The following CCDC138 variants were observed in gnomAD, a reference collection of about 807,000 sequenced individuals.
The protein encoded by CCDC138 is coiled-coil domain containing 138, also known as coiled-coil domain-containing protein 138.
CCDC138 carries 66 observed loss-of-function variants against 82.3 expected under a neutral mutation model. The observed-to-expected ratio is 0.80, with a 90% CI of 0.66 to 0.98. CCDC138 has a LOEUF of 0.98. Among genes scored for constraint, CCDC138 ranks in the 50% least tolerant of loss-of-function variants. CCDC138 has a pLI of 0.00. For synonymous variants in CCDC138, 297 were observed against 265.4 expected, an observed-to-expected ratio of 1.12 and a Z score of -1.16; for missense variants, 816 against 758.9, an observed-to-expected ratio of 1.08 and a Z score of -0.88.
At chr2:108,805,788 T>G (rs1246200682) in intron 7 of CCDC138, among the ~76,000 whole-genome samples, 1 of 152,150 alleles carries the variant, frequency 6.6e-6, no homozygotes, top group Non-Finnish European at 1.5e-5. Flanking sequence ...ATAAATAGTT[T>G]TGTGAGTTAT....
intron 14 of CCDC138, among the ~76,000 whole-genome samples, chr2:108,875,275 T>A (rs528187628): frequency 8.5e-4 from 125 of 147,510 alleles, no homozygotes; most frequent in African/African-American, 3.1e-3. Flanking sequence ...CATATGTAAC[T>A]AACCTGCACA....
At chr2:108,821,457 A>G (rs1463806581) in intron 10 of CCDC138, among the ~76,000 whole-genome samples, 1 of 152,208 alleles carries the variant, frequency 6.6e-6, no homozygotes, top group Non-Finnish European at 1.5e-5. Context: ...GATGTAAAAT[A>G]GTTATAACTT....
chr2:108,799,733 C>G (rs1046548097), intron 6 of CCDC138, among the ~76,000 whole-genome samples: 1 of 152,104 alleles, frequency 6.6e-6, no homozygotes, highest in Non-Finnish European at 1.5e-5. Flanking sequence ...CACTTTCTTT[C>G]TTGTCTTCTC....
chr2:108,794,765 T>G (rs1680572274), intron 5 of CCDC138, 44 bp downstream of exon 5: 1 of 1,431,838 alleles, frequency 7.0e-7, no homozygotes, highest in Admixed American at 2.1e-5. Flanking sequence ...ATATTTATGT[T>G]CTAAGAACCA....
intron 2 of CCDC138, chr2:108,884,897 G>T (rs1558786212): frequency 6.6e-6 from 1 of 152,202 alleles, no homozygotes; most frequent in Non-Finnish European, 1.5e-5. Context: ...CTGCTCTGTG[G>T]CCAGGCTTTT....
In CCDC138 at chr2:108,788,250, C is replaced by T. The variant is rs962777023; in HGVS notation, c.151+161C>T. On this transcript the variant is annotated intron_variant, in intron 2 of 14. Coordinates refer to ENST00000295124, the MANE Select transcript of CCDC138 (RefSeq NM_144978.3). Reference sequence around the variant, plus strand: ...TCAGGCCAACATAGTGAAATCCCGTCTCTACTAAAGATACAAAAAATTAGC... The same window carrying T: ...TCAGGCCAACATAGTGAAATCCCGTTTCTACTAAAGATACAAAAAATTAGC... Among the ~76,000 whole-genome samples the T allele has an allele frequency of 3.3e-5, 5 of 151,382 alleles. No homozygotes were observed. The East Asian group carries it at 9.8e-4, about 30-fold the overall frequency.
Position 108,856,798 on chromosome 2 carries a change from T to C in CCDC138, c.1521T>C (p.Asp507=). Residue 507 remains aspartate, a synonymous_variant, in exon 13 of 15, where the codon GAT becomes GAC. Transcript: ENST00000295124. ...LIVLKTVTQA[D]YLAQAFDSLC... is the part of the protein sequence containing the mutation. ...TTGTACATAACTATTTTCCAGCTGA[T>C]TACCTGGCTCAGGCATTTGATTCTC... 2 of 1,612,536 alleles carry C rather than the reference T, an allele frequency of 1.2e-6. No individual in the cohort carries two copies. The highest frequency in any genetic ancestry group is 2.2e-5 in the East Asian group (1 of 44,728).
downstream of CCDC138, among the ~76,000 whole-genome samples, chr2:108,880,321 A>G: frequency 6.6e-6 from 1 of 152,322 alleles, no homozygotes; most frequent in South Asian, 2.1e-4. Flanking sequence ...AAGACTCAAT[A>G]TTGTTAAGAT....
downstream of CCDC138, among the ~76,000 whole-genome samples, chr2:108,881,011 C>G (rs1338322454): frequency 6.6e-6 from 1 of 152,160 alleles, no homozygotes; most frequent in Non-Finnish European, 1.5e-5. Flanking sequence ...TCACGAATGA[C>G]TTTGAGGGGT....
chr2:108,873,011 A>C (rs1228257527), intron 13 of CCDC138, among the ~76,000 whole-genome samples: 3 of 152,124 alleles, frequency 2.0e-5, no homozygotes, highest in Non-Finnish European at 4.4e-5. Context: ...TTCCTTATCT[A>C]GTGACTGTGT....
chr2:108,826,350 A>G (rs546826737), intron 10 of CCDC138, among the ~76,000 whole-genome samples: 15 of 152,144 alleles, frequency 9.9e-5, no homozygotes, highest in African/African-American at 7.2e-5. Flanking sequence ...ACAAAGATTT[A>G]TCTGTATGTT....
chr2:108,878,521 A>C (rs1262356677), downstream of CCDC138: 2 of 214,926 alleles, frequency 9.3e-6, no homozygotes, highest in Non-Finnish European at 9.9e-6. Context: ...CTGTCATCTT[A>C]CCATATCAGA....
In CCDC138 at chr2:108,806,678, A is replaced by G. The variant is rs1446833633; in HGVS notation, c.855+1670A>G. 2.0e-5 allele frequency among the ~76,000 whole-genome samples: 3 copies of G among 152,192 alleles called. 1 individual carries two copies. The highest frequency in any genetic ancestry group is 4.4e-5 in the Non-Finnish European group (3 of 68,030). On this transcript the variant is annotated intron_variant, in intron 7 of 14. Transcript: ENST00000295124. ...ACGACTGTATTCATAAAAACAAGCA[A>G]TGGGCATATTTAGCCAGCTCCTGGC...
At chr2:108,815,906 G>A (rs368607957) in intron 9 of CCDC138, 35 bp from the exon 10 acceptor site, 3 of 1,549,102 alleles carry the variant, frequency 1.9e-6, no homozygotes, top group East Asian at 2.3e-5. Context: ...ATGAAGTTGT[G>A]AACTGAAATA....
chr2:108,867,346 T>C (rs563423645), intron 13 of CCDC138, among the ~76,000 whole-genome samples: 2 of 152,164 alleles, frequency 1.3e-5, no homozygotes, highest in African/African-American at 4.8e-5. Context: ...TCTTTAGGAA[T>C]TGAAAAAGCA....
At chr2:108,877,450 AGT>A (rs1169158202), downstream of CCDC138, among the ~76,000 whole-genome samples, 1 of 152,190 alleles carries the variant, frequency 6.6e-6, no homozygotes, top group Admixed American at 6.5e-5. Flanking sequence ...TGGGCAACAA[AGT>A]GAGATTCTGT....
At chr2:108,787,937 A>G (rs952799377) in intron 1 of CCDC138, 95 bp from the exon 2 acceptor site, 2 of 1,073,892 alleles carry the variant, frequency 1.9e-6, no homozygotes, top group East Asian at 2.9e-5. Context: ...TCTCCACTCT[A>G]ACCTTTGTAA....
intron 6 of CCDC138, among the ~76,000 whole-genome samples, chr2:108,800,316 G>A (rs1681682721): frequency 6.6e-6 from 1 of 152,176 alleles, no homozygotes; most frequent in Non-Finnish European, 1.5e-5. Flanking sequence ...CCAGGCTGGA[G>A]TACAGTGGCA....
At chr2:108,813,273 G>C (rs796868951) in intron 9 of CCDC138, among the ~76,000 whole-genome samples, 2 of 87,862 alleles carry the variant, frequency 2.3e-5, no homozygotes, top group Admixed American at 2.5e-4. Context: ...AAAAAAAAAA[G>C]AAAATTTCTC....
Sources: allele counts gnomAD v4.1 joint callset (sites outside exome capture counted in the v4.1 genomes callset), GRCh38; gene constraint gnomAD v4.1.1; transcripts MANE v1.5; gene names NCBI Gene and HGNC (gene_info 2026-07-23, HGNC 2026-07-21).